Variants in GIMAP8 observed in about 807,000 individuals in gnomAD.
The protein encoded by GIMAP8 is GTPase, IMAP family member 8, also known as GTPase IMAP family member 8.
GIMAP8 carries 29 observed loss-of-function variants against 35.6 expected under a neutral mutation model. The observed-to-expected ratio is 0.81, with a 90% confidence interval of 0.61 to 1.11. The LOEUF is 1.11. Ranked by LOEUF, GIMAP8 falls within the 50% of genes most tolerant of loss-of-function variation. The pLI is 0.00. For missense variants in GIMAP8, 811 were observed against 805.0 expected (o/e 1.01, Z -0.09); for synonymous variants, 335 against 308.7 (o/e 1.09, Z -0.89).
intron 1 of GIMAP8, among the ~76,000 whole-genome samples, chr7:150,453,085 A>G (rs1447008210): frequency 6.6e-6 from 1 of 152,060 alleles, no homozygotes; most frequent in African/African-American, 2.4e-5. Flanking sequence ...CAAGGGTAGT[A>G]CAGAGAACAT....
chr7:150,464,326 C>T (rs1299851836), intron 1 of GIMAP8, among the ~76,000 whole-genome samples: 1 of 152,136 alleles, frequency 6.6e-6, no homozygotes, highest in Non-Finnish European at 1.5e-5. Flanking sequence ...GTTATTCTTA[C>T]TTAATGAAAA....
chr7:150,468,357 G>T (rs1802018703), intron 2 of GIMAP8, among the ~76,000 whole-genome samples: 1 of 152,130 alleles, frequency 6.6e-6, no homozygotes, highest in African/African-American at 2.4e-5. Context: ...TGCCTTAGAG[G>T]TGCTTACACT....
chr7:150,473,994 T>C lies in GIMAP8; in HGVS notation c.683-18T>C. ...CAACTGCAGGAAGAGACTCTGAACC[T>C]GTCCATTTGTCCCACAGGCCCAAGG... On this transcript the variant is annotated intron_variant, in intron 3 of 4. Transcript: ENST00000307271. 1.2e-6 allele frequency: 2 copies of C among 1,601,112 alleles called. No individual in the cohort carries two copies. Among genetic ancestry groups the C allele is most frequent in the Non-Finnish European group, 1.7e-6 (2 of 1,174,206 alleles).
Position 150,477,830 on chromosome 7 carries a change from G to A in GIMAP8, c.*50G>A. On this transcript the variant is annotated 3_prime_UTR_variant, in exon 5 of 5. Coordinates refer to ENST00000307271, the MANE Select transcript of GIMAP8 (RefSeq NM_175571.4). ...TCAATTAGAGACACCCTCAGGTTGG[G>A]GGGAGGGGCGGGGCATGGTACAACC... 6.9e-7 allele frequency: 1 copy of A among 1,444,960 alleles called. No individual in the cohort carries two copies. Among genetic ancestry groups the A allele is most frequent in the Non-Finnish European group, 9.5e-7 (1 of 1,051,892 alleles). 89.5% of individuals were successfully genotyped at this position (1,444,960 alleles called of 1,614,324 possible).
intron 1 of GIMAP8, among the ~76,000 whole-genome samples, chr7:150,452,086 T>G (rs1801620270): frequency 6.6e-6 from 1 of 152,198 alleles, no homozygotes; most frequent in Non-Finnish European, 1.5e-5. Flanking sequence ...GAGGCTGCCT[T>G]TACAGTCTTC....
intron 1 of GIMAP8, among the ~76,000 whole-genome samples, chr7:150,454,036 G>A (rs917431338): frequency 6.6e-6 from 1 of 152,176 alleles, no homozygotes; most frequent in Non-Finnish European, 1.5e-5. Context: ...AGAGACCTAA[G>A]GGAAGTGCTC....
intron 1 of GIMAP8, among the ~76,000 whole-genome samples, chr7:150,458,378 T>C (rs1214955510): frequency 2.6e-5 from 4 of 152,278 alleles, no homozygotes; most frequent in East Asian, 3.9e-4. Flanking sequence ...AGGTAAGCCT[T>C]TTATTCTAAT....
intron 1 of GIMAP8, among the ~76,000 whole-genome samples, chr7:150,461,482 CTTTATG>C (rs762115661): frequency 2.8e-4 from 43 of 151,988 alleles, no homozygotes; most frequent in Non-Finnish European, 5.9e-4. Flanking sequence ...TTCTTCGTGT[CTTTATG>C]TTTTTTATTT....
At chr7:150,453,586 G>A (rs371615074) in intron 1 of GIMAP8, among the ~76,000 whole-genome samples, 1 of 152,198 alleles carries the variant, frequency 6.6e-6, no homozygotes, top group African/African-American at 2.4e-5. Flanking sequence ...CACTTTCTTC[G>A]GCGTATCTGC....
intron 2 of GIMAP8, 112 bp downstream of exon 2, chr7:150,467,446 T>A: frequency 1.2e-6 from 1 of 822,974 alleles, no homozygotes; most frequent in Non-Finnish European, 1.9e-6. Context: ...GGGTTTTGTT[T>A]AATAAGATAT....
intron 1 of GIMAP8, among the ~76,000 whole-genome samples, chr7:150,456,978 C>A (rs1173411027): frequency 6.6e-6 from 1 of 152,052 alleles, no homozygotes. Context: ...TCGTGGAGAC[C>A]CCAACCCAGT....
chr7:150,467,341 A>G lies in GIMAP8; in HGVS notation c.636+7A>G. ...TGAAGGCAGCAGGTTTCAAGTAAGA[A>G]TTTTGTTAATATCTTGAAAGATCTC... On this transcript the variant is annotated splice_region_variant and intron_variant, in intron 2 of 4. Coordinates refer to ENST00000307271, the MANE Select transcript of GIMAP8 (RefSeq NM_175571.4). 4 of 1,604,774 alleles carry G rather than the reference A, an allele frequency of 2.5e-6. No homozygotes were observed. Among genetic ancestry groups the G allele is most frequent in the Non-Finnish European group, 2.6e-6 (3 of 1,173,932 alleles).
At position 150,451,914 on chromosome 7, in the gene GIMAP8, G is replaced by T. The variant is rs1451647587; in HGVS notation, c.-29+739G>T. On this transcript the variant is annotated intron_variant, in intron 1 of 4. Transcript: ENST00000307271. The surrounding 1 kb of genome is among the most constrained non-coding windows in gnomAD (Gnocchi z 4.1). ...CTTGATGGTTGCCCTGCTGGGCTGG[G>T]TCTAAGGTCTTCCCCACGCTGGGCT... 6.6e-6 allele frequency among the ~76,000 whole-genome samples: 1 copy of T among 152,136 alleles called. No individual in the cohort carries two copies. Among genetic ancestry groups the T allele is most frequent in the Non-Finnish European group, 1.5e-5 (1 of 68,016 alleles).
At chr7:150,473,915 C>G (rs1802153105) in intron 3 of GIMAP8, 97 bp from the exon 4 acceptor site, 1 of 1,281,520 alleles carries the variant, frequency 7.8e-7, no homozygotes, top group Non-Finnish European at 1.1e-6. Flanking sequence ...TGTTGCCATT[C>G]TCTATACAAG....
At chr7:150,452,019 C>G (rs944315065) in intron 1 of GIMAP8, among the ~76,000 whole-genome samples, 1 of 152,214 alleles carries the variant, frequency 6.6e-6, no homozygotes, top group African/African-American at 2.4e-5. Flanking sequence ...TGGCTGGATG[C>G]TGTGCTCAGA....
intron 1 of GIMAP8, among the ~76,000 whole-genome samples, chr7:150,459,261 A>G (rs750789757): frequency 2.0e-5 from 3 of 152,154 alleles, no homozygotes; most frequent in Admixed American, 6.5e-5. Flanking sequence ...GTAAGGATCA[A>G]TCACCCCACC....
chr7:150,452,297 G>A (rs1801624202), intron 1 of GIMAP8, among the ~76,000 whole-genome samples: 1 of 151,852 alleles, frequency 6.6e-6, no homozygotes, highest in Non-Finnish European at 1.5e-5. Context: ...TGTGTGGTAG[G>A]AGTGTGCATG....
At position 150,473,049 on chromosome 7, in the gene GIMAP8, C is replaced by T. The variant is rs968336231; in HGVS notation, c.683-963C>T. Among the ~76,000 whole-genome samples the T allele has an allele frequency of 2.6e-5, 4 of 152,178 alleles. No homozygotes were observed. In the South Asian group the frequency reaches 6.2e-4, roughly 24 times the overall value. ...ACAGATTCGCAAAGCGGTAAGTTTTCCAAGGCAATACAGCAAGGGCCTTTG... is the reference window on the plus strand; with the variant it reads ...ACAGATTCGCAAAGCGGTAAGTTTTTCAAGGCAATACAGCAAGGGCCTTTG... On this transcript the variant is annotated intron_variant, in intron 3 of 4. Coordinates refer to ENST00000307271, the MANE Select transcript of GIMAP8 (RefSeq NM_175571.4).
chr7:150,476,796 G>A (rs574225545), intron 4 of GIMAP8, among the ~76,000 whole-genome samples: 1 of 152,254 alleles, frequency 6.6e-6, no homozygotes, highest in Non-Finnish European at 1.5e-5. Flanking sequence ...CTGTCTGGAA[G>A]GTGCTGCAAA....
Sources: allele counts gnomAD v4.1 joint callset (sites outside exome capture counted in the v4.1 genomes callset), GRCh38; gene constraint gnomAD v4.1.1; non-coding constraint Gnocchi (gnomAD v3.1); transcripts MANE v1.5; gene names NCBI Gene and HGNC (gene_info 2026-07-23, HGNC 2026-07-21).